FAM83A: variants seen among roughly 807,000 people sequenced by gnomAD.
FAM83A encodes protein FAM83A.
Under a neutral mutation model 24.4 loss-of-function variants are expected in FAM83A, and 21 were observed. The ratio of observed to expected loss-of-function variants is 0.86; its 90% CI spans 0.61 to 1.24. FAM83A has a LOEUF of 1.24. FAM83A is among the 50% of genes most tolerant of loss of function. The pLI is 0.00. For synonymous variants in FAM83A, 270 were observed against 252.4 expected (o/e 1.07, Z -0.66); for missense variants, 617 against 579.8 (o/e 1.06, Z -0.66).
intron 3 of FAM83A, among the ~76,000 whole-genome samples, chr8:123,197,275 G>A (rs997887451): frequency 6.6e-6 from 1 of 152,224 alleles, no homozygotes; most frequent in Admixed American, 6.5e-5. Flanking sequence ...GGGAAAAAAA[G>A]AGAATGTGGC....
At chr8:123,194,647 C>A (rs561694946) in intron 3 of FAM83A, among the ~76,000 whole-genome samples, 1 of 152,244 alleles carries the variant, frequency 6.6e-6, no homozygotes, top group Non-Finnish European at 1.5e-5. Context: ...CCACGCCCAG[C>A]GAATTTTTGT....
upstream of FAM83A, chr8:123,179,702 A>G (rs1480056632): frequency 6.6e-6 from 1 of 152,220 alleles, no homozygotes; most frequent in Admixed American, 6.5e-5. Context: ...AGCTGGGAAC[A>G]GAAGCAGGGC....
exon 4 of FAM83A, chr8:123,207,671 G>T: frequency 6.6e-7 from 1 of 1,513,238 alleles, no homozygotes; most frequent in Admixed American, 2.2e-5. Context: ...CTTCCTGCAG[G>T]CCTCCCCTCA....
At chr8:123,195,653 G>A (rs988549974) in intron 3 of FAM83A, among the ~76,000 whole-genome samples, 2 of 152,160 alleles carry the variant, frequency 1.3e-5, no homozygotes, top group Non-Finnish European at 1.5e-5. Context: ...CAAGGTGTGG[G>A]CAGATTCAGT....
intron 1 of FAM83A, among the ~76,000 whole-genome samples, chr8:123,183,549 T>C (rs1163949489): frequency 6.6e-6 from 1 of 152,104 alleles, no homozygotes; most frequent in Non-Finnish European, 1.5e-5. Flanking sequence ...CACTTATCAC[T>C]GGAACTCCCG....
intron 3 of FAM83A, among the ~76,000 whole-genome samples, chr8:123,197,453 A>G (rs1167049477): frequency 6.6e-6 from 1 of 152,208 alleles, no homozygotes; most frequent in African/African-American, 2.4e-5. Context: ...TTCACTTAAC[A>G]TAACGTTTTC....
intron 1 of FAM83A, among the ~76,000 whole-genome samples, chr8:123,183,790 G>A (rs1261181618): frequency 6.6e-6 from 1 of 151,126 alleles, no homozygotes; most frequent in East Asian, 1.9e-4. Context: ...CCAACTCCCG[G>A]GTTCAAGCGA....
At chr8:123,192,214 A>C (rs1824005788) in intron 2 of FAM83A, among the ~76,000 whole-genome samples, 1 of 152,166 alleles carries the variant, frequency 6.6e-6, no homozygotes, top group Admixed American at 6.5e-5. Context: ...ACTCTGCAGG[A>C]TGTTTCCAGG....
chr8:123,185,902 T>C (rs1482259257), intron 1 of FAM83A, among the ~76,000 whole-genome samples: 1 of 152,198 alleles, frequency 6.6e-6, no homozygotes, highest in African/African-American at 2.4e-5. Flanking sequence ...GCGATTCTCC[T>C]GCCTCAGCCT....
At chr8:123,191,304 A>G (rs183419492) in intron 1 of FAM83A, among the ~76,000 whole-genome samples, 173 of 152,304 alleles carry the variant, frequency 1.1e-3, no homozygotes, top group African/African-American at 3.8e-3. Flanking sequence ...CACGGGGAGC[A>G]GCTTGCTCTA....
exon 1 of FAM83A, chr8:123,182,748 C>T: frequency 6.8e-7 from 1 of 1,480,146 alleles, no homozygotes; most frequent in Non-Finnish European, 9.1e-7. Flanking sequence ...AGCAGGCGGC[C>T]TCCCGGGGGT....
chr8:123,192,478 C>T (rs1010687504), intron 2 of FAM83A, among the ~76,000 whole-genome samples: 6 of 152,224 alleles, frequency 3.9e-5, no homozygotes, highest in African/African-American at 1.4e-4. Flanking sequence ...CTTAACTGAA[C>T]CCCGTACTTC....
chr8:123,203,998 A>G (rs1420339871), intron 3 of FAM83A, among the ~76,000 whole-genome samples: 1 of 151,490 alleles, frequency 6.6e-6, no homozygotes, highest in Non-Finnish European at 1.5e-5. Context: ...TTCTATAATT[A>G]TGGAAAAAGG....
At chr8:123,200,554 T>C (rs995235389) in intron 3 of FAM83A, among the ~76,000 whole-genome samples, 1 of 152,162 alleles carries the variant, frequency 6.6e-6, no homozygotes, top group African/African-American at 2.4e-5. Flanking sequence ...TGGCGGCTCA[T>C]GCCTGTAATC....
rs555457531 is a variant in FAM83A, at chr8:123,182,666, G to A, written c.-191G>A. 3 of 866,248 alleles carry A rather than the reference G, an allele frequency of 3.5e-6. No individual in the cohort carries two copies. The African/African-American group carries it at 5.0e-5, about 14-fold the overall frequency. 53.7% of individuals were successfully genotyped at this position (866,248 alleles called of 1,614,324 possible). ...AAGCCAATCCCGCAGCTGCAGATGA[G>A]GAGTTCTGAGAAGCATTGCTCAGGA... On this transcript the variant is annotated 5_prime_UTR_variant, in exon 1 of 4. Coordinates refer to ENST00000690554, the Ensembl canonical transcript of FAM83A.
At chr8:123,191,682 C>G (rs888343303) in intron 1 of FAM83A, 121 bp from the exon 2 acceptor site, 2 of 1,028,346 alleles carry the variant, frequency 1.9e-6, no homozygotes, top group African/African-American at 1.6e-5. Context: ...ACCCCATCCT[C>G]TCCCCTCTGG....
chr8:123,184,686 C>T (rs1400836035), intron 1 of FAM83A, among the ~76,000 whole-genome samples: 1 of 152,160 alleles, frequency 6.6e-6, no homozygotes, highest in Non-Finnish European at 1.5e-5. Context: ...AAAATGACTC[C>T]AGCACCAGGC....
In FAM83A at chr8:123,199,041, C is replaced by G. The variant is rs183852893; in HGVS notation, c.773+4893C>G. Among the ~76,000 whole-genome samples, 430 of 152,254 alleles carry G rather than the reference C, an allele frequency of 2.8e-3. 9 individuals are homozygous for G. Among genetic ancestry groups the G allele is most frequent in the Admixed American group, 0.022 (342 of 15,288 alleles). On this transcript the variant is annotated intron_variant, in intron 3 of 3. Transcript: ENST00000690554. ...AGGCGTCAGCCACTGCTCCCAGCTT[C>G]TATACCCAACTTTTAATAGCTGTGT...
intron 1 of FAM83A, among the ~76,000 whole-genome samples, chr8:123,190,802 T>C (rs2131072975): frequency 6.6e-6 from 1 of 152,234 alleles, no homozygotes; most frequent in South Asian, 2.1e-4. Flanking sequence ...CTGGCTGCTT[T>C]CTCCAGGGAT....
Sources: gnomAD v4.1 joint callset for allele counts (sites outside exome capture counted in the v4.1 genomes callset) on GRCh38, gnomAD v4.1.1 for gene constraint, MANE v1.5 for transcripts, NCBI Gene and HGNC (gene_info 2026-07-23, HGNC 2026-07-21) for gene names.